CCSER1: variants seen among roughly 807,000 people sequenced by gnomAD.
The protein encoded by CCSER1 is coiled-coil serine rich protein 1.
In CCSER1, 41 loss-of-function variants were observed where a neutral mutation model predicts 82.0. The observed-to-expected ratio is 0.50, with a 90% CI of 0.39 to 0.65. The LOEUF (loss-of-function observed/expected upper bound fraction) is 0.65. Ranked by LOEUF, CCSER1 falls within the 30% of genes least tolerant of loss-of-function variation. The pLI is 0.00. For synonymous variants in CCSER1, 414 were observed against 383.9 expected (o/e 1.08, Z -0.92); for missense variants, 1,119 against 1,064.2 (o/e 1.05, Z -0.72).
At chr4:91,469,580 A>T (rs1757148168) in intron 10 of CCSER1, among the ~76,000 whole-genome samples, 1 of 152,194 alleles carries the variant, frequency 6.6e-6, no homozygotes. Context: ...AAAGAGAATC[A>T]TACCAGTCTA....
chr4:90,972,715 T>G (rs1273500000), intron 9 of CCSER1, among the ~76,000 whole-genome samples: 3 of 151,744 alleles, frequency 2.0e-5, no homozygotes, highest in Non-Finnish European at 1.5e-5. Flanking sequence ...AAAGCAATCT[T>G]GAGTAAGAAG....
chr4:90,391,995 C>T (rs756306851), intron 3 of CCSER1, among the ~76,000 whole-genome samples: 15 of 151,702 alleles, frequency 9.9e-5, no homozygotes, highest in Admixed American at 2.0e-4. Context: ...CTTTATTGAC[C>T]GTGATACAAA....
intron 10 of CCSER1, among the ~76,000 whole-genome samples, chr4:91,335,808 A>AT (rs142804998): frequency 0.12 from 17,501 of 151,806 alleles, 1,076 homozygotes; most frequent in South Asian, 0.17. Flanking sequence ...GTTGACTAGG[A>AT]TTTTTTTTAG....
intron 1 of CCSER1, among the ~76,000 whole-genome samples, chr4:90,153,565 A>G: frequency 6.6e-6 from 1 of 151,838 alleles, no homozygotes; most frequent in Non-Finnish European, 1.5e-5. Flanking sequence ...CTGACTTTTT[A>G]ATGATTGCCA....
intron 8 of CCSER1, among the ~76,000 whole-genome samples, chr4:90,866,146 G>T (rs530034806): frequency 6.6e-6 from 1 of 151,966 alleles, no homozygotes; most frequent in African/African-American, 2.4e-5. Context: ...TGAGATTTGA[G>T]TGGCAACAGA....
intron 1 of CCSER1, among the ~76,000 whole-genome samples, chr4:90,140,518 A>ATATTTT (rs1352950269): frequency 6.6e-6 from 1 of 152,152 alleles, no homozygotes; most frequent in East Asian, 1.9e-4. Context: ...TTTTACTGGA[A>ATATTTT]TATTTTTTGA....
chr4:91,586,822 T>C (rs1394783442), intron 10 of CCSER1, among the ~76,000 whole-genome samples: 3 of 151,766 alleles, frequency 2.0e-5, no homozygotes, highest in African/African-American at 2.4e-5. Flanking sequence ...TTTTGCTCTT[T>C]TGATTTTTAT....
intron 8 of CCSER1, among the ~76,000 whole-genome samples, chr4:90,889,796 A>C (rs193073100): frequency 5.3e-5 from 8 of 152,266 alleles, no homozygotes; most frequent in Admixed American, 5.2e-4. Context: ...ATATATTTGC[A>C]CACATATAAT....
intron 10 of CCSER1, among the ~76,000 whole-genome samples, chr4:91,297,343 C>T (rs1305521494): frequency 6.7e-6 from 1 of 149,640 alleles, no homozygotes; most frequent in East Asian, 2.0e-4. Context: ...GAATGTTCTG[C>T]TCACCTGAGG....
intron 1 of CCSER1, among the ~76,000 whole-genome samples, chr4:90,231,632 C>A (rs1158988162): frequency 2.7e-5 from 4 of 148,734 alleles, no homozygotes; most frequent in Non-Finnish European, 4.5e-5. Flanking sequence ...GGCAATCAGG[C>A]AGGAGAAGGA....
At chr4:91,061,585 C>T (rs1288482448) in intron 9 of CCSER1, among the ~76,000 whole-genome samples, 1 of 151,828 alleles carries the variant, frequency 6.6e-6, no homozygotes, top group Non-Finnish European at 1.5e-5. Flanking sequence ...TCAAATTTCC[C>T]TGAAGCTATA....
At chr4:90,636,446 A>T (rs1725432642) in intron 6 of CCSER1, among the ~76,000 whole-genome samples, 3 of 151,990 alleles carry the variant, frequency 2.0e-5, no homozygotes, top group Non-Finnish European at 2.9e-5. Flanking sequence ...AAATTACAGA[A>T]TTTTTTTATA....
At chr4:90,958,544 C>T (rs562941089) in intron 9 of CCSER1, among the ~76,000 whole-genome samples, 3 of 151,302 alleles carry the variant, frequency 2.0e-5, no homozygotes, top group Non-Finnish European at 4.4e-5. Context: ...TGTTTTGGGT[C>T]GAGAAGGCTG....
chr4:91,505,787 T>C (rs991005632), intron 10 of CCSER1, among the ~76,000 whole-genome samples: 6 of 152,160 alleles, frequency 3.9e-5, no homozygotes, highest in Admixed American at 3.9e-4. Flanking sequence ...TTTAATGGGG[T>C]TATTTGTTTT....
chr4:90,624,323 T>G (rs1216007370), intron 5 of CCSER1, among the ~76,000 whole-genome samples: 2 of 152,164 alleles, frequency 1.3e-5, no homozygotes, highest in Non-Finnish European at 2.9e-5. Context: ...ATTAAGAAGT[T>G]TTCAAATGAT....
intron 10 of CCSER1, among the ~76,000 whole-genome samples, chr4:91,301,915 G>A (rs1744699201): frequency 6.6e-6 from 1 of 151,678 alleles, no homozygotes; most frequent in Non-Finnish European, 1.5e-5. Context: ...TCTTGGAGCT[G>A]GATTCAATTA....
chr4:90,710,309 G>C (rs1428365196), intron 6 of CCSER1, among the ~76,000 whole-genome samples: 1 of 151,680 alleles, frequency 6.6e-6, no homozygotes, highest in Non-Finnish European at 1.5e-5. Context: ...TTTGTTTTTT[G>C]CTGTGCAGCA....
At chr4:91,593,528 G>A (rs1764374263) in intron 10 of CCSER1, among the ~76,000 whole-genome samples, 2 of 120,518 alleles carry the variant, frequency 1.7e-5, no homozygotes, top group South Asian at 5.1e-4. Context: ...TGGCCAGGAT[G>A]GTCTTGATCT....
chr4:90,258,567 T>C (rs1560893464), intron 1 of CCSER1, among the ~76,000 whole-genome samples: 1 of 152,072 alleles, frequency 6.6e-6, no homozygotes, highest in Non-Finnish European at 1.5e-5. Flanking sequence ...CAAAGAATAT[T>C]TTAAGAGAGT....
Sources: gnomAD v4.1 joint callset for allele counts (sites outside exome capture counted in the v4.1 genomes callset) on GRCh38, gnomAD v4.1.1 for gene constraint, MANE v1.5 for transcripts, NCBI Gene and HGNC (gene_info 2026-07-23, HGNC 2026-07-21) for gene names.